Variants in PTPRD observed in about 807,000 individuals in gnomAD.
PTPRD encodes the protein protein tyrosine phosphatase receptor type D.
A neutral mutation model predicts 214.5 loss-of-function variants in PTPRD; 34 were observed. That is an observed-to-expected ratio of 0.16 (90% CI 0.12 to 0.21). The LOEUF (loss-of-function observed/expected upper bound fraction) is 0.21. Among genes scored for constraint, PTPRD ranks in the 10% least tolerant of loss-of-function variants. PTPRD has a pLI of 1.00. For synonymous variants in PTPRD, 1,128 were observed against 845.7 expected (o/e 1.33, Z -5.79); for missense variants, 2,545 against 2,398.7 (o/e 1.06, Z -1.27).
intron 9 of PTPRD, among the ~76,000 whole-genome samples, chr9:9,241,143 T>C (rs2099970175): frequency 6.6e-6 from 1 of 152,310 alleles, no homozygotes; most frequent in South Asian, 2.1e-4. Context: ...AAGAACTTTT[T>C]ATGATTACTT....
At chr9:8,534,207 T>A (rs764246375) in intron 14 of PTPRD, among the ~76,000 whole-genome samples, 24 of 152,078 alleles carry the variant, frequency 1.6e-4, no homozygotes, top group Middle Eastern at 3.4e-3. Flanking sequence ...CCCTCATATA[T>A]TGGTTTTCAG....
At chr9:10,498,918 C>T (rs868823204) in intron 2 of PTPRD, among the ~76,000 whole-genome samples, 1,130 of 4,900 alleles carry the variant, frequency 0.23, 535 homozygotes, top group Admixed American at 0.26. Flanking sequence ...GCCTGTAGTC[C>T]CAGCTACTTG....
intron 9 of PTPRD, among the ~76,000 whole-genome samples, chr9:9,349,093 T>C (rs950541912): frequency 4.6e-5 from 7 of 152,056 alleles, no homozygotes; most frequent in East Asian, 1.9e-4. Flanking sequence ...AGATCCATTA[T>C]GAAAAATCAG....
intron 9 of PTPRD, among the ~76,000 whole-genome samples, chr9:9,350,913 T>C (rs898105813): frequency 6.6e-6 from 1 of 152,070 alleles, no homozygotes; most frequent in East Asian, 1.9e-4. Flanking sequence ...CCAGTTGTCA[T>C]CAAAAATGAA....
intron 5 of PTPRD, among the ~76,000 whole-genome samples, chr9:9,880,005 C>T (rs1473869396): frequency 6.6e-6 from 1 of 152,142 alleles, no homozygotes; most frequent in African/African-American, 2.4e-5. Flanking sequence ...TCTGTGTCCC[C>T]ACCCAAATCT....
chr9:9,776,527 T>A (rs2098799903), intron 5 of PTPRD, among the ~76,000 whole-genome samples: 1 of 152,206 alleles, frequency 6.6e-6, no homozygotes, highest in Non-Finnish European at 1.5e-5. Flanking sequence ...ATCTGTTGAA[T>A]GGATATGTGA....
chr9:8,935,095 T>C (rs1038127625), intron 11 of PTPRD, among the ~76,000 whole-genome samples: 7 of 152,178 alleles, frequency 4.6e-5, no homozygotes, highest in Admixed American at 3.3e-4. Flanking sequence ...ATTTCATATA[T>C]TGGCTATTGT....
intron 8 of PTPRD, among the ~76,000 whole-genome samples, chr9:9,558,290 A>G (rs553682052): frequency 7.0e-4 from 107 of 152,308 alleles, no homozygotes; most frequent in African/African-American, 2.6e-3. Context: ...TTATGGCTAC[A>G]TGGTTGTGAT....
At chr9:9,808,507 T>C (rs565689657) in intron 5 of PTPRD, among the ~76,000 whole-genome samples, 1 of 152,254 alleles carries the variant, frequency 6.6e-6, no homozygotes, top group Admixed American at 6.5e-5. Flanking sequence ...ATAGGCTTTG[T>C]ATCTATTTTT....
At chr9:9,397,245 T>G (rs993475314) in intron 9 of PTPRD, among the ~76,000 whole-genome samples, 3 of 151,996 alleles carry the variant, frequency 2.0e-5, no homozygotes, top group Admixed American at 6.6e-5. Flanking sequence ...AATAAACATC[T>G]CTGTTGACAA....
At chr9:9,850,414 T>C (rs988688319) in intron 5 of PTPRD, among the ~76,000 whole-genome samples, 2 of 152,144 alleles carry the variant, frequency 1.3e-5, no homozygotes, top group African/African-American at 4.8e-5. Context: ...GTTAACTGAT[T>C]GGATAGATGA....
chr9:9,293,374 CATT>C (rs559520526), intron 9 of PTPRD, among the ~76,000 whole-genome samples: 117 of 145,806 alleles, frequency 8.0e-4, no homozygotes, highest in African/African-American at 2.6e-3. Flanking sequence ...ATACTCCCAT[CATT>C]GTTTGTTTGT....
At chr9:8,664,139 T>C (rs538727005) in intron 12 of PTPRD, among the ~76,000 whole-genome samples, 1 of 152,254 alleles carries the variant, frequency 6.6e-6, no homozygotes, top group South Asian at 2.1e-4. Flanking sequence ...CTTCATCCTC[T>C]CCAAACTTTC....
At chr9:9,184,232 T>C (rs1027499469) in intron 9 of PTPRD, among the ~76,000 whole-genome samples, 6 of 152,060 alleles carry the variant, frequency 3.9e-5, no homozygotes, top group Admixed American at 3.3e-4. Flanking sequence ...TCACACGTTA[T>C]CACATCACCC....
At chr9:10,489,327 C>T (rs957763386) in intron 2 of PTPRD, among the ~76,000 whole-genome samples, 6 of 152,100 alleles carry the variant, frequency 3.9e-5, no homozygotes, top group Non-Finnish European at 8.8e-5. Context: ...GAGCTGGTAT[C>T]CAAGATGCAA....
intron 10 of PTPRD, among the ~76,000 whole-genome samples, chr9:9,024,348 G>GTTTTTTTTTTTTTTTTTTTT (rs752607769): frequency 3.1e-5 from 2 of 64,172 alleles, no homozygotes; most frequent in African/African-American, 4.1e-5. Flanking sequence ...GTTTTTTTTT[G>GTTTTTTTTTTTTTTTTTTTT]TTTGTTTTTT....
At chr9:8,713,409 T>G in intron 12 of PTPRD, 1 of 1,100,454 alleles carries the variant, frequency 9.1e-7, no homozygotes, top group South Asian at 1.3e-5. Context: ...TGCGAATCTT[T>G]GCACCTAATC....
At chr9:9,146,618 T>G (rs1435387881) in intron 10 of PTPRD, among the ~76,000 whole-genome samples, 1 of 152,116 alleles carries the variant, frequency 6.6e-6, no homozygotes, top group Admixed American at 6.6e-5. Context: ...GATTATTGCA[T>G]TCAATAGCTA....
intron 10 of PTPRD, among the ~76,000 whole-genome samples, chr9:9,082,657 G>A (rs1166069906): frequency 1.3e-5 from 2 of 151,986 alleles, no homozygotes; most frequent in African/African-American, 4.8e-5. Context: ...AAACCCCATC[G>A]TATCAGCCCC....
Sources: allele counts gnomAD v4.1 joint callset (sites outside exome capture counted in the v4.1 genomes callset), GRCh38; gene constraint gnomAD v4.1.1; transcripts MANE v1.5; gene names NCBI Gene and HGNC (gene_info 2026-07-23, HGNC 2026-07-21).